Variants in SORBS2 observed in about 807,000 individuals in gnomAD.
SORBS2 encodes sorbin and SH3 domain-containing protein 2.
In SORBS2, 46 loss-of-function variants were observed where a neutral mutation model predicts 97.7. The observed-to-expected ratio is 0.47, with a 90% CI of 0.37 to 0.60. SORBS2 has a LOEUF of 0.60. SORBS2 is among the 20% of genes least tolerant of loss of function. The pLI is 0.00. For synonymous variants in SORBS2, 476 were observed against 473.4 expected (o/e 1.01, Z -0.07); for missense variants, 1,316 against 1,282.3 (o/e 1.03, Z -0.40).
chr4:185,749,114 G>A (rs2098783349), intron 2 of SORBS2, among the ~76,000 whole-genome samples: 1 of 152,208 alleles, frequency 6.6e-6, no homozygotes. Flanking sequence ...AGTAGGGATC[G>A]GCAGGCACAT....
intron 5 of SORBS2, among the ~76,000 whole-genome samples, chr4:185,629,510 A>G (rs182059024): frequency 1.4e-3 from 206 of 150,010 alleles, no homozygotes; most frequent in African/African-American, 4.6e-3. Context: ...GGGAGTTTGT[A>G]TTATTCAATA....
intron 2 of SORBS2, among the ~76,000 whole-genome samples, chr4:185,692,035 C>G (rs953343378): frequency 6.6e-6 from 1 of 152,228 alleles, no homozygotes; most frequent in Non-Finnish European, 1.5e-5. Context: ...TATTGTGTAT[C>G]GTTTTATGAC....
intron 1 of SORBS2, among the ~76,000 whole-genome samples, chr4:185,926,287 G>A (rs1180168478): frequency 2.0e-5 from 3 of 152,208 alleles, no homozygotes; most frequent in East Asian, 1.9e-4. Context: ...AAGAAGGCAT[G>A]GTCTCTCGAA....
intron 5 of SORBS2, among the ~76,000 whole-genome samples, chr4:185,629,462 AC>A (rs1211520824): frequency 6.6e-6 from 1 of 151,884 alleles, no homozygotes. Flanking sequence ...AATTAATGCT[AC>A]TAGATAAATA....
chr4:185,926,349 C>T (rs1037953312), intron 1 of SORBS2, among the ~76,000 whole-genome samples: 7 of 152,010 alleles, frequency 4.6e-5, no homozygotes, highest in African/African-American at 1.7e-4. Context: ...TAGGCTGAGT[C>T]CTGGAGGCGG....
chr4:185,722,755 A>T (rs1392384306), intron 2 of SORBS2, among the ~76,000 whole-genome samples: 1 of 152,166 alleles, frequency 6.6e-6, no homozygotes, highest in East Asian at 1.9e-4. Flanking sequence ...AATATTGTTG[A>T]TATTAAGTGC....
intron 2 of SORBS2, among the ~76,000 whole-genome samples, chr4:185,718,162 C>T (rs894697394): frequency 4.6e-5 from 7 of 151,860 alleles, no homozygotes; most frequent in Non-Finnish European, 8.8e-5. Context: ...GCCTGGGAGA[C>T]AGGCGCTGTA....
At chr4:185,858,433 C>A (rs2099221898) in intron 1 of SORBS2, among the ~76,000 whole-genome samples, 1 of 152,188 alleles carries the variant, frequency 6.6e-6, no homozygotes, top group Non-Finnish European at 1.5e-5. Context: ...ACTAAGATAA[C>A]CACTTAATTT....
chr4:185,681,131 T>C (rs543270456), intron 2 of SORBS2, among the ~76,000 whole-genome samples: 145 of 152,278 alleles, frequency 9.5e-4, no homozygotes, highest in African/African-American at 3.3e-3. Flanking sequence ...CTTATGTTGA[T>C]GATTAAAGTC....
intron 1 of SORBS2, among the ~76,000 whole-genome samples, chr4:185,942,119 CA>C (rs1185772622): frequency 6.6e-6 from 1 of 151,582 alleles, no homozygotes. Context: ...CCATTTAAAA[CA>C]AAAAACAAAA....
intron 6 of SORBS2, among the ~76,000 whole-genome samples, chr4:185,624,987 T>C (rs2096786430): frequency 6.6e-6 from 1 of 152,226 alleles, no homozygotes; most frequent in Non-Finnish European, 1.5e-5. Context: ...TACATCGAAT[T>C]AATACTCTCA....
chr4:185,646,420 TATATATATATATAA>T (rs1335049957), intron 4 of SORBS2: 4 of 292,046 alleles, frequency 1.4e-5, no homozygotes, highest in Non-Finnish European at 2.4e-5. Flanking sequence ...TGTGTGTGTA[TATATATATATATAA>T]ATACACACAC....
Position 185,770,206 on chromosome 4 carries a change from G to A in SORBS2, c.-198+5021C>T, listed in dbSNP as rs143569731. 1.9e-3 allele frequency among the ~76,000 whole-genome samples: 287 copies of A among 152,202 alleles called. 3 individuals are homozygous for A. The highest frequency in any genetic ancestry group is 6.6e-3 in the African/African-American group (272 of 41,518). ...TGATTCTCCTGCCTCAGCCTCCCGA[G>A]TAGGATGGCTTTTAAAATGTTTTCT... On this transcript the variant is annotated intron_variant, in intron 2 of 20. Transcript: ENST00000284776.
At chr4:185,694,222 A>G (rs1164918196) in intron 2 of SORBS2, among the ~76,000 whole-genome samples, 1 of 152,238 alleles carries the variant, frequency 6.6e-6, no homozygotes, top group African/African-American at 2.4e-5. Flanking sequence ...CTGCTCTGAA[A>G]AAGTGTCCTT....
At position 185,623,661 on chromosome 4, in the gene SORBS2, C is replaced by G. The variant is rs747833030; in HGVS notation, c.1468G>C (p.Asp490His). ...TCCACGTGTGCTCGGGGCTGCTCAT[C>G]GCTGGTGACTTCAATGTGAATGGGC... is the stretch of plus-strand genomic sequence containing the variant. The change falls in exon 7 of 15, where the codon GAT (aspartate) becomes CAT (histidine). Residue 490 changes from aspartate to histidine, a missense_variant. Transcript: ENST00000418609. This position sits in a 1 kb window ranked among gnomAD's most constrained non-coding sequence, Gnocchi z 6.4. 1 of 1,614,080 alleles carries G rather than the reference C, an allele frequency of 6.2e-7. No homozygotes were observed. The highest frequency in any genetic ancestry group is 8.5e-7 in the Non-Finnish European group (1 of 1,180,034).
intron 2 of SORBS2, among the ~76,000 whole-genome samples, chr4:185,680,056 A>G (rs1481387939): frequency 6.6e-6 from 1 of 152,236 alleles, no homozygotes; most frequent in East Asian, 1.9e-4. Flanking sequence ...TATGGATTTT[A>G]TCTCCAATGA....
chr4:185,679,401 A>C (rs746850374), intron 2 of SORBS2, among the ~76,000 whole-genome samples: 1 of 152,216 alleles, frequency 6.6e-6, no homozygotes, highest in Non-Finnish European at 1.5e-5. Context: ...CTGTTACAAC[A>C]TGTTCCACTG....
At chr4:185,912,787 C>T (rs1165522848) in intron 1 of SORBS2, among the ~76,000 whole-genome samples, 1 of 152,016 alleles carries the variant, frequency 6.6e-6, no homozygotes, top group East Asian at 1.9e-4. Context: ...TGGAGAACAT[C>T]AAGCAAAATA....
intron 1 of SORBS2, among the ~76,000 whole-genome samples, chr4:185,950,164 A>G (rs2099276511): frequency 6.6e-6 from 1 of 152,012 alleles, no homozygotes; most frequent in Non-Finnish European, 1.5e-5. Context: ...AGGCAGGAGA[A>G]TCGTTTGAAC....
Sources: gnomAD v4.1 joint callset for allele counts (sites outside exome capture counted in the v4.1 genomes callset) on GRCh38, gnomAD v4.1.1 for gene constraint, Gnocchi (gnomAD v3.1) non-coding constraint, MANE v1.5 for transcripts, NCBI Gene and HGNC (gene_info 2026-07-23, HGNC 2026-07-21) for gene names.